Variants in SMC2 observed in about 807,000 individuals in gnomAD.
The protein encoded by SMC2 is structural maintenance of chromosomes protein 2.
In SMC2, 41 loss-of-function variants were observed where a neutral mutation model predicts 142.6. The observed-to-expected ratio is 0.29, with a 90% CI of 0.22 to 0.37. The LOEUF is 0.37. SMC2 is among the 10% of genes least tolerant of loss of function. SMC2 has a pLI of 1.00. For synonymous variants in SMC2, 463 were observed against 457.5 expected (o/e 1.01, Z -0.15); for missense variants, 1,265 against 1,373.7 (o/e 0.92, Z 1.25).
Position 104,100,148 on chromosome 9 carries a change from T to G in SMC2, c.536T>G (p.Ile179Arg). 1 of 1,579,310 alleles carries G rather than the reference T, an allele frequency of 6.3e-7. No individual in the cohort carries two copies. Among genetic ancestry groups the G allele is most frequent in the Non-Finnish European group, 8.5e-7 (1 of 1,171,500 alleles). ...AGTRMYEYKK[I>R]AAQKTIEKKE... ...ACCAGGATGTATGAATACAAAAAAA[T>G]AGCTGCACAGAAAACTATAGAAAAA... The change falls in exon 6 of 25, where the codon ATA (isoleucine) becomes AGA (arginine). Residue 179 changes from isoleucine (I) to arginine (R), a missense_variant. Coordinates refer to ENST00000374793, the MANE Select transcript of SMC2 (RefSeq NM_006444.3).
intron 24 of SMC2, 21 bp from the exon 25 acceptor site, chr9:104,139,118 C>CT (rs1835851194): frequency 6.6e-7 from 1 of 1,523,054 alleles, no homozygotes; most frequent in African/African-American, 1.4e-5. Context: ...TTTTTTTATA[C>CT]TTTTTTCTTT....
chr9:104,101,637 C>G (rs140663897), intron 7 of SMC2, among the ~76,000 whole-genome samples: 1 of 151,700 alleles, frequency 6.6e-6, no homozygotes, highest in African/African-American at 2.4e-5. Context: ...CATCTTGATA[C>G]TACTACTACA....
At chr9:104,129,221 G>C (rs192452204) in intron 20 of SMC2, among the ~76,000 whole-genome samples, 1 of 152,120 alleles carries the variant, frequency 6.6e-6, no homozygotes, top group African/African-American at 2.4e-5. Context: ...AAAATGAGTC[G>C]CCTAGGCACG....
At chr9:104,102,852 G>A (rs976379572) in intron 9 of SMC2, among the ~76,000 whole-genome samples, 2 of 152,126 alleles carry the variant, frequency 1.3e-5, no homozygotes, top group African/African-American at 4.8e-5. Context: ...GATTAGGAGT[G>A]TAGGGGAAAA....
At chr9:104,109,610 G>C (rs550647372) in intron 9 of SMC2, among the ~76,000 whole-genome samples, 1 of 152,248 alleles carries the variant, frequency 6.6e-6, no homozygotes, top group East Asian at 1.9e-4. Flanking sequence ...GCTGTATGAC[G>C]CTGAAACAAC....
At chr9:104,108,554 C>T (rs534909518) in intron 9 of SMC2, among the ~76,000 whole-genome samples, 3 of 152,258 alleles carry the variant, frequency 2.0e-5, no homozygotes, top group East Asian at 1.9e-4. Flanking sequence ...ACCCACTTCC[C>T]GAGCTCTCTG....
intron 1 of SMC2, chr9:104,094,719 T>A (rs1035739188): frequency 3.1e-5 from 10 of 323,830 alleles, no homozygotes; most frequent in African/African-American, 1.9e-4. Flanking sequence ...AGTTGGAGAA[T>A]ATGAGATACA....
At chr9:104,114,240 GAAATGTTTT>G (rs1432505663) in intron 12 of SMC2, among the ~76,000 whole-genome samples, 159 bp downstream of exon 12, 2 of 152,120 alleles carry the variant, frequency 1.3e-5, no homozygotes, top group Non-Finnish European at 2.9e-5. Flanking sequence ...AACATTTGTT[GAAATGTTTT>G]AAATGTTGGC....
chr9:104,127,614 T>G (rs926706600), intron 20 of SMC2, 134 bp downstream of exon 20: 6 of 527,168 alleles, frequency 1.1e-5, no homozygotes, highest in Non-Finnish European at 1.6e-5. Flanking sequence ...AAATTTGAGC[T>G]TGCAGCTTTA....
chr9:104,138,653 T>C (rs1835802536), intron 24 of SMC2, among the ~76,000 whole-genome samples: 1 of 152,170 alleles, frequency 6.6e-6, no homozygotes, highest in Non-Finnish European at 1.5e-5. Flanking sequence ...CAAATATGCT[T>C]GCATAAATTA....
chr9:104,122,720 A>G (rs561937026), intron 16 of SMC2, among the ~76,000 whole-genome samples: 1 of 152,210 alleles, frequency 6.6e-6, no homozygotes, highest in East Asian at 1.9e-4. Context: ...AATGAGGTTA[A>G]TAAATAGATA....
chr9:104,120,183 T>C, intron 16 of SMC2, 21 bp downstream of exon 16: 1 of 1,560,868 alleles, frequency 6.4e-7, no homozygotes. Context: ...CATATACTTT[T>C]TTTAATTAAA....
chr9:104,125,215 A>AAAG, intron 18 of SMC2, 110 bp downstream of exon 18: 1 of 778,034 alleles, frequency 1.3e-6, no homozygotes. Flanking sequence ...TCAGAATCTA[A>AAAG]AAGGGAGCAG....
chr9:104,090,075 C>T (rs1266606201), upstream of SMC2, among the ~76,000 whole-genome samples: 4 of 152,324 alleles, frequency 2.6e-5, no homozygotes, highest in African/African-American at 7.2e-5. Flanking sequence ...ACAAAGATCA[C>T]TGATGTTCTT....
intron 11 of SMC2, 33 bp from the exon 12 acceptor site, chr9:104,113,931 C>A: frequency 1.5e-6 from 2 of 1,346,174 alleles, no homozygotes; most frequent in Non-Finnish European, 2.0e-6. Flanking sequence ...GCTTTTAAAA[C>A]TTGGTTTTAA....
At chr9:104,108,016 T>C (rs1379909171) in intron 9 of SMC2, among the ~76,000 whole-genome samples, 1 of 152,180 alleles carries the variant, frequency 6.6e-6, no homozygotes, top group African/African-American at 2.4e-5. Flanking sequence ...GTGGTGGTGA[T>C]GTTCTGCACC....
At chr9:104,107,700 C>G (rs915378411) in intron 9 of SMC2, among the ~76,000 whole-genome samples, 2 of 152,226 alleles carry the variant, frequency 1.3e-5, no homozygotes, top group African/African-American at 2.4e-5. Flanking sequence ...GGGATACTTC[C>G]TTGGCTTTCT....
chr9:104,102,181 A>T lies in SMC2; in HGVS notation c.858A>T (p.Lys286Asn). The T allele has an allele frequency of 6.5e-7, 1 of 1,528,494 alleles. No individual in the cohort carries two copies. 94.7% of individuals were successfully genotyped at this position (1,528,494 alleles called of 1,614,324 possible). Residue 286 changes from lysine (K) to asparagine (N), a missense_variant, in exon 8 of 25, where the codon AAA becomes AAT. Transcript: ENST00000374793. ...ATCATGAAATAGAAGAATTGGAAAA[A>T]AGAAAAGATAAGGTCTGAACATATG... ...ALNHEIEELE[K>N]RKDKETGGIL...
At chr9:104,092,402 T>C (rs1408965476), upstream of SMC2, 1 of 152,214 alleles carries the variant, frequency 6.6e-6, no homozygotes, top group East Asian at 1.9e-4. Flanking sequence ...TTAACACATA[T>C]TTCCATACCA....
Sources: gnomAD v4.1 joint callset for allele counts (sites outside exome capture counted in the v4.1 genomes callset) on GRCh38, gnomAD v4.1.1 for gene constraint, MANE v1.5 for transcripts, NCBI Gene and HGNC (gene_info 2026-07-23, HGNC 2026-07-21) for gene names.